ZCCHC10: variants seen among roughly 807,000 people sequenced by gnomAD.
ZCCHC10 encodes zinc finger CCHC-type containing 10, also known as zinc finger CCHC domain-containing protein 10.
Under a neutral mutation model 19.5 loss-of-function variants are expected in ZCCHC10, and 16 were observed. That is an observed-to-expected ratio of 0.82 (90% CI 0.56 to 1.25). The LOEUF (loss-of-function observed/expected upper bound fraction) is 1.25, where lower values mean the gene tolerates loss of function less well. Ranked by LOEUF, ZCCHC10 falls within the 50% of genes most tolerant of loss-of-function variation. The pLI is 0.00. For missense variants in ZCCHC10, 197 were observed against 201.0 expected (o/e 0.98, Z 0.12); for synonymous variants, 67 against 72.5 (o/e 0.92, Z 0.38).
At chr5:133,005,978 CTTTTTTTTTTTT>C (rs760600232) in intron 3 of ZCCHC10, among the ~76,000 whole-genome samples, 1 of 97,782 alleles carries the variant, frequency 1.0e-5, no homozygotes, top group Non-Finnish European at 1.9e-5. Context: ...GAAGATGCTG[CTTTTTTTTTTTT>C]TTTTTTTTTT....
chr5:133,000,184 C>A lies in ZCCHC10; in HGVS notation c.270-11G>T. On this transcript the variant is annotated splice_polypyrimidine_tract_variant and intron_variant, in intron 3 of 4. Coordinates refer to ENST00000509437, the MANE Select transcript of ZCCHC10 (RefSeq NM_001300816.3). ...TTGGTTTCTCCAATGCTGATAAACA[C>A]GAGGGGGAAAAAAGCTCCTGTTAAT... 1 of 1,612,688 alleles carries A rather than the reference C, an allele frequency of 6.2e-7. No homozygotes were observed. Among genetic ancestry groups the A allele is most frequent in the Non-Finnish European group, 8.5e-7 (1 of 1,179,582 alleles).
intron 1 of ZCCHC10, among the ~76,000 whole-genome samples, chr5:133,026,052 G>C (rs180994267): frequency 6.6e-6 from 1 of 152,332 alleles, no homozygotes; most frequent in Non-Finnish European, 1.5e-5. Context: ...TGAAGGCAGG[G>C]TGTTCCTAAG....
At chr5:133,026,143 A>C (rs553405219) in intron 1 of ZCCHC10, among the ~76,000 whole-genome samples, 48 of 152,314 alleles carry the variant, frequency 3.2e-4, no homozygotes, top group African/African-American at 1.0e-3. Context: ...GTCGGCTGGA[A>C]TAAAGGTGTC....
chr5:133,025,004 T>C (rs1366642747), intron 1 of ZCCHC10, among the ~76,000 whole-genome samples: 1 of 152,160 alleles, frequency 6.6e-6, no homozygotes, highest in Non-Finnish European at 1.5e-5. Context: ...GGAACTCTTC[T>C]TATCAGGCCT....
chr5:132,997,047 A>G lies in ZCCHC10; in HGVS notation c.*1536T>C, dbSNP rs1423167857. The G allele has an allele frequency of 6.6e-6, 1 of 152,230 alleles. No individual in the cohort carries two copies. Among genetic ancestry groups the G allele is most frequent in the Non-Finnish European group, 1.5e-5 (1 of 68,042 alleles). The allele number at this position is 152,230 out of a possible 1,614,324, so 9.4% of individuals were successfully genotyped here. A position where few individuals can be genotyped will look rare whatever the true frequency, so the allele number is the denominator to read the frequency against. ...CTGCAAGTGATGCAACCTATGTAAC[A>G]CATTCTTTTCTCATCCGTGTTCTTT... is the stretch of plus-strand genomic sequence containing the variant. On this transcript the variant is annotated 3_prime_UTR_variant, in exon 5 of 5. Coordinates refer to ENST00000509437, the MANE Select transcript of ZCCHC10 (RefSeq NM_001300816.3).
chr5:133,025,503 CAAAAAAAAAAAAAA>C (rs74843776), intron 1 of ZCCHC10, among the ~76,000 whole-genome samples: 30 of 18,658 alleles, frequency 1.6e-3, no homozygotes, highest in African/African-American at 4.1e-3. Context: ...GACTCCGCCT[CAAAAAAAAAAAAAA>C]AAAAAAAAAA....
Position 132,998,686 on chromosome 5 carries a change from G to A in ZCCHC10, c.476C>T (p.Ser159Phe). Reference sequence around the variant, plus strand: ...GGAATCTGAGTCTGAATCAGAGGAGGAGGAAGAGGTTGTGGAGGAGGCTGA... The same window carrying A: ...GGAATCTGAGTCTGAATCAGAGGAGAAGGAAGAGGTTGTGGAGGAGGCTGA... ...SSSASSTTSS[S>F]SSDSDSDSSS... The change falls in exon 5 of 5, where the codon TCC becomes TTC. Residue 159 changes from serine (S) to phenylalanine (F), a missense_variant. Transcript: ENST00000509437. The A allele has an allele frequency of 6.2e-7, 1 of 1,614,174 alleles. No individual in the cohort carries two copies. The highest frequency in any genetic ancestry group is 8.5e-7 in the Non-Finnish European group (1 of 1,180,038).
At chr5:133,018,993 T>G (rs1215496944) in intron 2 of ZCCHC10, 7 of 418,070 alleles carry the variant, frequency 1.7e-5, no homozygotes, top group Non-Finnish European at 2.3e-5. Context: ...ATTGAGAAAC[T>G]GGTAGCTTGG....
chr5:133,002,519 C>G (rs976512384), intron 3 of ZCCHC10, among the ~76,000 whole-genome samples: 2 of 152,022 alleles, frequency 1.3e-5, no homozygotes, highest in African/African-American at 2.4e-5. Context: ...ATTTTCATAA[C>G]CCGTATTTCA....
chr5:133,026,421 G>A (rs1764720060), intron 1 of ZCCHC10, 76 bp downstream of exon 1: 11 of 1,571,728 alleles, frequency 7.0e-6, no homozygotes, highest in South Asian at 1.1e-5. Flanking sequence ...TCCCAATAGG[G>A]GTCCGACACC....
At chr5:133,018,348 A>G (rs1764065754) in intron 2 of ZCCHC10, among the ~76,000 whole-genome samples, 1 of 150,712 alleles carries the variant, frequency 6.6e-6, no homozygotes, top group African/African-American at 2.4e-5. Context: ...AGGTCTCACT[A>G]TGTTGCCCAA....
chr5:133,018,460 C>T (rs1395269191), intron 2 of ZCCHC10, among the ~76,000 whole-genome samples: 5 of 151,930 alleles, frequency 3.3e-5, no homozygotes, highest in South Asian at 2.1e-4. Flanking sequence ...AGTACAGTGG[C>T]GCAATCTCGG....
intron 2 of ZCCHC10, among the ~76,000 whole-genome samples, chr5:133,014,972 T>C (rs1397607881): frequency 6.6e-6 from 1 of 152,204 alleles, no homozygotes; most frequent in African/African-American, 2.4e-5. Context: ...GTACTTCTCA[T>C]TGTATCCTAT....
At chr5:133,022,965 C>T in intron 1 of ZCCHC10, 59 bp from the exon 2 acceptor site, 1 of 468,510 alleles carries the variant, frequency 2.1e-6, no homozygotes. Flanking sequence ...TCCAGAAAAT[C>T]AATACAAGGC....
At chr5:133,005,685 G>A (rs1045721479) in intron 3 of ZCCHC10, among the ~76,000 whole-genome samples, 3 of 152,072 alleles carry the variant, frequency 2.0e-5, no homozygotes, top group Admixed American at 6.6e-5. Flanking sequence ...GTTTTTATAC[G>A]TGAGGACAAT....
chr5:133,000,756 C>T (rs549315375), intron 3 of ZCCHC10, among the ~76,000 whole-genome samples: 9 of 151,470 alleles, frequency 5.9e-5, no homozygotes, highest in African/African-American at 2.2e-4. Context: ...AATTCTTCTG[C>T]CTCAGCCTCC....
chr5:132,999,235 A>C (rs1457979596), intron 4 of ZCCHC10, among the ~76,000 whole-genome samples: 2 of 152,116 alleles, frequency 1.3e-5, no homozygotes, highest in Non-Finnish European at 2.9e-5. Flanking sequence ...AAGCGATTTC[A>C]TATGATTCCA....
intron 2 of ZCCHC10, among the ~76,000 whole-genome samples, chr5:133,011,624 T>TAAAA (rs1194165056): frequency 2.2e-4 from 10 of 44,806 alleles, no homozygotes; most frequent in Non-Finnish European, 3.2e-4. Context: ...AGACTCCATC[T>TAAAA]AAAAAAAAAA....
At chr5:133,025,503 CAAAAAAA>C (rs74843776) in intron 1 of ZCCHC10, among the ~76,000 whole-genome samples, 93 of 18,676 alleles carry the variant, frequency 5.0e-3, no homozygotes, top group African/African-American at 7.3e-3. Flanking sequence ...GACTCCGCCT[CAAAAAAA>C]AAAAAAAAAA....
Sources: gnomAD v4.1 joint callset for allele counts (sites outside exome capture counted in the v4.1 genomes callset) on GRCh38, gnomAD v4.1.1 for gene constraint, MANE v1.5 for transcripts, NCBI Gene and HGNC (gene_info 2026-07-23, HGNC 2026-07-21) for gene names.